Variants in DGKH observed in about 807,000 individuals in gnomAD.
DGKH encodes diacylglycerol kinase eta.
A neutral mutation model predicts 159.3 loss-of-function variants in DGKH; 90 were observed. That is an observed-to-expected ratio of 0.57 (90% CI 0.48 to 0.67). DGKH has a LOEUF of 0.67. DGKH is among the 30% of genes least tolerant of loss of function. The pLI is 0.00. For missense variants in DGKH, 1,181 were observed against 1,506.1 expected (o/e 0.78, Z 3.57); for synonymous variants, 536 against 553.8 (o/e 0.97, Z 0.45).
At chr13:42,141,595 A>C (rs1042787430) in intron 3 of DGKH, among the ~76,000 whole-genome samples, 16 of 152,232 alleles carry the variant, frequency 1.1e-4, no homozygotes, top group African/African-American at 3.9e-4. Context: ...CTCCATTCTA[A>C]CTGGTGTGAG....
intron 1 of DGKH, among the ~76,000 whole-genome samples, chr13:42,041,336 G>T (rs1023067208): frequency 6.6e-6 from 1 of 152,128 alleles, no homozygotes; most frequent in African/African-American, 2.4e-5. Context: ...ACCTGGGCGC[G>T]CAGGTTCCCG....
intron 29 of DGKH, among the ~76,000 whole-genome samples, chr13:42,224,682 C>T (rs1958074143): frequency 6.6e-6 from 1 of 151,918 alleles, no homozygotes; most frequent in African/African-American, 2.4e-5. Flanking sequence ...GTCTCTGGCT[C>T]CTCCCTGGGC....
intron 3 of DGKH, among the ~76,000 whole-genome samples, chr13:42,143,800 A>G (rs1955642607): frequency 6.7e-6 from 1 of 149,962 alleles, no homozygotes. Context: ...TTTTTTCTTT[A>G]TTAGTCTTGC....
At chr13:42,141,306 T>C (rs761294272) in intron 3 of DGKH, among the ~76,000 whole-genome samples, 18 of 152,032 alleles carry the variant, frequency 1.2e-4, no homozygotes, top group Non-Finnish European at 1.8e-4. Context: ...CTATCATTGT[T>C]GGGCATTTGG....
rs146794203 is a variant in DGKH at position 42,071,058 on chromosome 13, A to T, written c.192+22093A>T. The T allele has an allele frequency of 3.1e-5, 37 of 1,187,932 alleles. No individual in the cohort carries two copies. In the African/African-American group the frequency reaches 5.4e-4, roughly 17 times the overall value. 73.6% of individuals were successfully genotyped at this position (1,187,932 alleles called of 1,614,324 possible). ...TATACGTAGAATCCAGATCAAAACC[A>T]TGAATGTTCATGAGACTTTCAAATT... On this transcript the variant is annotated intron_variant, in intron 1 of 29. Coordinates refer to ENST00000337343, the MANE Select transcript of DGKH (RefSeq NM_178009.5).
At position 42,240,103 on chromosome 13, in the gene DGKH, C is replaced by G. The variant is rs187456656; in HGVS notation, c.*10915C>G. The G allele has an allele frequency of 2.0e-5, 3 of 152,286 alleles. No individual in the cohort carries two copies. The highest frequency in any genetic ancestry group is 7.2e-5 in the African/African-American group (3 of 41,558). 9.4% of individuals were successfully genotyped at this position (152,286 alleles called of 1,614,324 possible). On this transcript the variant is annotated 3_prime_UTR_variant, in exon 30 of 30. Coordinates refer to ENST00000337343, the MANE Select transcript of DGKH (RefSeq NM_178009.5). ...CTCTTCCACTGAACTTCTCTCTCCC[C>G]CTTTGTATTCTCAGTGTCTAGCTAC...
At chr13:42,110,587 ATCAT>A (rs140415925) in intron 1 of DGKH, among the ~76,000 whole-genome samples, 71 of 150,998 alleles carry the variant, frequency 4.7e-4, no homozygotes, top group African/African-American at 1.6e-3. Flanking sequence ...TTGAAGGATA[ATCAT>A]TCATTCATTC....
At chr13:42,053,393 T>C (rs962851354) in intron 1 of DGKH, among the ~76,000 whole-genome samples, 7 of 147,740 alleles carry the variant, frequency 4.7e-5, no homozygotes, top group African/African-American at 1.7e-4. Flanking sequence ...TAACTATATA[T>C]GTAACTGTAT....
At chr13:42,179,140 G>T (rs1032183603) in intron 13 of DGKH, among the ~76,000 whole-genome samples, 4 of 152,202 alleles carry the variant, frequency 2.6e-5, no homozygotes, top group African/African-American at 4.8e-5. Flanking sequence ...AACAGGAAAA[G>T]AATTGAATGG....
intron 3 of DGKH, among the ~76,000 whole-genome samples, chr13:42,151,294 C>A (rs546091741): frequency 3.6e-4 from 55 of 151,940 alleles, no homozygotes; most frequent in African/African-American, 1.3e-3. Context: ...CCTTTAGAGT[C>A]TCCAGTGTCC....
At chr13:42,226,166 G>A (rs1210555652) in intron 29 of DGKH, among the ~76,000 whole-genome samples, 1 of 152,002 alleles carries the variant, frequency 6.6e-6, no homozygotes, top group Non-Finnish European at 1.5e-5. Flanking sequence ...TTCAAAAGAA[G>A]ACATGTGGCC....
intron 1 of DGKH, among the ~76,000 whole-genome samples, chr13:42,110,879 A>C (rs1340836259): frequency 1.3e-5 from 2 of 152,186 alleles, no homozygotes; most frequent in Non-Finnish European, 2.9e-5. Flanking sequence ...ATATACTTTT[A>C]CCTAATACTA....
At chr13:42,219,545 T>C in intron 27 of DGKH, 141 bp from the exon 28 acceptor site, 2 of 1,177,340 alleles carry the variant, frequency 1.7e-6, no homozygotes, top group Non-Finnish European at 2.4e-6. Context: ...AGTAGTACAT[T>C]GTGAACTTTT....
chr13:42,218,502 C>CTTTTTT (rs56173082), intron 26 of DGKH, among the ~76,000 whole-genome samples: 2 of 88,296 alleles, frequency 2.3e-5, no homozygotes, highest in African/African-American at 4.3e-5. Flanking sequence ...CATGTGGTGA[C>CTTTTTT]TTTTTTTTTT....
At chr13:42,049,518 C>T (rs1285176970) in intron 1 of DGKH, among the ~76,000 whole-genome samples, 32 of 152,232 alleles carry the variant, frequency 2.1e-4, no homozygotes, top group Non-Finnish European at 2.9e-5. Flanking sequence ...CACCGGTCAG[C>T]CTTTCCTGCC....
chr13:42,180,063 CA>C (rs527480776), intron 13 of DGKH, among the ~76,000 whole-genome samples: 140 of 152,286 alleles, frequency 9.2e-4, no homozygotes, highest in South Asian at 1.4e-3. Flanking sequence ...CTATATTAAA[CA>C]AAAAATAATT....
At chr13:42,113,750 G>A (rs1289886207) in intron 1 of DGKH, among the ~76,000 whole-genome samples, 1 of 152,174 alleles carries the variant, frequency 6.6e-6, no homozygotes, top group East Asian at 1.9e-4. Context: ...TCATTGCTGA[G>A]ATATGAGTTC....
chr13:42,151,520 T>TG (rs1566134509), intron 3 of DGKH, among the ~76,000 whole-genome samples: 32 of 109,378 alleles, frequency 2.9e-4, no homozygotes, highest in African/African-American at 9.2e-4. Flanking sequence ...CACATGTATA[T>TG]ATATACACGT....
At chr13:42,097,007 T>C (rs962753717) in intron 1 of DGKH, among the ~76,000 whole-genome samples, 2 of 152,224 alleles carry the variant, frequency 1.3e-5, no homozygotes, top group Non-Finnish European at 2.9e-5. Context: ...CACTGAGTTC[T>C]AGCCTCCAGA....
Sources: gnomAD v4.1 joint callset for allele counts (sites outside exome capture counted in the v4.1 genomes callset) on GRCh38, gnomAD v4.1.1 for gene constraint, MANE v1.5 for transcripts, NCBI Gene and HGNC (gene_info 2026-07-23, HGNC 2026-07-21) for gene names.